FER1L6: variants seen among roughly 807,000 people sequenced by gnomAD.
FER1L6 encodes fer-1-like protein 6.
Under a neutral mutation model 219.2 loss-of-function variants are expected in FER1L6, and 177 were observed. The observed-to-expected ratio is 0.81, with a 90% CI of 0.71 to 0.91. The LOEUF is 0.91. Among genes scored for constraint, FER1L6 ranks in the 40% least tolerant of loss-of-function variants. FER1L6 has a pLI of 0.00. For synonymous variants in FER1L6, 768 were observed against 824.3 expected (o/e 0.93, Z 1.17); for missense variants, 2,153 against 2,259.9 (o/e 0.95, Z 0.96).
At chr8:123,919,581 T>C (rs1438114807) in intron 1 of FER1L6, among the ~76,000 whole-genome samples, 3 of 152,204 alleles carry the variant, frequency 2.0e-5, no homozygotes, top group Non-Finnish European at 4.4e-5. Flanking sequence ...CAGTAAGCCA[T>C]GTGCTTGGGC....
rs1447349194 is a variant in FER1L6 at position 124,060,558 on chromosome 8, G to GA, written c.2996_2997insA (p.Trp999Ter). Reference protein sequence around the residue: ...LSKYRVEVLFWGVREMKKVQL... With the variant: ...LSKYRVEVLF Reference sequence around the variant, plus strand: ...TGGTCTTTTCCTCAGGTTCTCTTCTGGGGAGTTCGGGAAATGAAGAAGGTG... The same window carrying GA: ...TGGTCTTTTCCTCAGGTTCTCTTCTGAGGGAGTTCGGGAAATGAAGAAGGTG... Residue 999 changes from tryptophan (W) to a stop codon, truncating the protein, a stop_gained and frameshift_variant, in exon 24 of 41, where the codon TGG becomes TGAG. Transcript: ENST00000522917. LOFTEE classifies it high-confidence loss of function. 7 of 1,613,884 alleles carry GA rather than the reference G, an allele frequency of 4.3e-6. No individual in the cohort carries two copies. In the Admixed American group the frequency reaches 1.2e-4, roughly 27 times the overall value.
Position 124,119,719 on chromosome 8 carries a change from A to G in FER1L6, c.5503A>G (p.Ile1835Val), listed in dbSNP as rs2131058710. 6.2e-7 allele frequency: 1 copy of G among 1,613,504 alleles called. No individual in the cohort carries two copies. The highest frequency in any genetic ancestry group is 8.5e-7 in the Non-Finnish European group (1 of 1,179,510). Residue 1835 changes from isoleucine to valine, a missense_variant, in exon 41 of 41, where the codon ATC (isoleucine) becomes GTC (valine). Physicochemically the swap from Ile to Val is conservative, Grantham distance 29. Transcript: ENST00000522917. ...IIIAFILIIL[I>V]IFLVLFIYTL... The stretch of plus-strand genomic sequence containing the variant: ...CATTGCTTTCATTCTCATCATCCTC[A>G]TCATCTTCCTCGTCCTTTTCATCTA...
chr8:123,981,565 T>G (rs531377013), intron 11 of FER1L6, among the ~76,000 whole-genome samples: 2 of 151,844 alleles, frequency 1.3e-5, no homozygotes, highest in Non-Finnish European at 2.9e-5. Flanking sequence ...GGAAGGGAGG[T>G]GATGCTCAAA....
At position 123,853,084 on chromosome 8, in the gene FER1L6, T is replaced by C. The variant is rs1178760875; in HGVS notation, c.-8+899T>C. On this transcript the variant is annotated intron_variant, in intron 1 of 40. Coordinates refer to ENST00000522917, the MANE Select transcript of FER1L6 (RefSeq NM_001039112.2). This position sits in a 1 kb window ranked among gnomAD's most constrained non-coding sequence, Gnocchi z 6.6. ...GTCTCAAACTCCTGGGCTCAAGCGA[T>C]CCTCCTGCCTCAGCCTTCCAAAGTG... is the stretch of plus-strand genomic sequence containing the variant. 6.6e-6 allele frequency among the ~76,000 whole-genome samples: 1 copy of C among 152,190 alleles called. No individual in the cohort carries two copies. Among genetic ancestry groups the C allele is most frequent in the African/African-American group, 2.4e-5 (1 of 41,440 alleles).
At position 124,067,716 on chromosome 8, in the gene FER1L6, A is replaced by G. The variant is rs548957089; in HGVS notation, c.3679-51A>G. ...GGGCTGAGATAATTGTTAGCAGTCA[A>G]TTAATAAATCAAGTATTGTGGTGTC... is the stretch of plus-strand genomic sequence containing the variant. On this transcript the variant is annotated intron_variant, in intron 27 of 40. Coordinates refer to ENST00000522917, the MANE Select transcript of FER1L6 (RefSeq NM_001039112.2). The G allele has an allele frequency of 3.1e-4, 456 of 1,473,268 alleles. 7 individuals are homozygous for G. The South Asian group carries it at 4.8e-3, about 16-fold the overall frequency. 91.3% of individuals were successfully genotyped at this position (1,473,268 alleles called of 1,614,324 possible). A position where few individuals can be genotyped will look rare whatever the true frequency, so the allele number is the denominator to read the frequency against.
intron 6 of FER1L6, among the ~76,000 whole-genome samples, chr8:123,971,809 A>C (rs1177886324): frequency 6.6e-6 from 1 of 152,186 alleles, no homozygotes; most frequent in African/African-American, 2.4e-5. Flanking sequence ...GTGGTGCCAA[A>C]GACAGTCTTC....
In FER1L6 at chr8:124,056,651, G is replaced by C. The variant is rs188592273; in HGVS notation, c.2875-3529G>C. On this transcript the variant is annotated intron_variant, in intron 22 of 40. Transcript: ENST00000522917. Reference sequence around the variant, plus strand: ...TTTTAAAGGTAAAGTGTCATTAACTGATTATTGACCTGCTAATGAAGACTT... The same window carrying C: ...TTTTAAAGGTAAAGTGTCATTAACTCATTATTGACCTGCTAATGAAGACTT... Among the ~76,000 whole-genome samples, 483 of 152,288 alleles carry C rather than the reference G, an allele frequency of 3.2e-3. 2 individuals carry two copies. Among genetic ancestry groups the C allele is most frequent in the Non-Finnish European group, 5.7e-3 (388 of 68,018 alleles).
chr8:124,051,795 C>T (rs949727211), intron 22 of FER1L6, among the ~76,000 whole-genome samples: 4 of 152,138 alleles, frequency 2.6e-5, no homozygotes, highest in Non-Finnish European at 2.9e-5. Context: ...GGTCTACAGC[C>T]TTGGGGTTGC....
At chr8:124,108,856 C>A (rs1375132619) in intron 39 of FER1L6, among the ~76,000 whole-genome samples, 1 of 151,356 alleles carries the variant, frequency 6.6e-6, no homozygotes, top group African/African-American at 2.4e-5. Flanking sequence ...CCAGCCTGGG[C>A]AACATAGGGA....
rs115932203 is a variant in FER1L6 at position 124,047,107 on chromosome 8, T to C, written c.2724+1206T>C. On this transcript the variant is annotated intron_variant, in intron 21 of 40. Transcript: ENST00000522917. ...CATGCTTTCAATTGTTAGTGTTTAT[T>C]TTCTATGCAGAAAACAATAATAGCA... is the stretch of plus-strand genomic sequence containing the variant. Among the ~76,000 whole-genome samples, 794 of 152,356 alleles carry C rather than the reference T, an allele frequency of 5.2e-3. 5 individuals carry two copies. The highest frequency in any genetic ancestry group is 0.018 in the African/African-American group (734 of 41,580).
intron 1 of FER1L6, among the ~76,000 whole-genome samples, chr8:123,906,552 C>A (rs1812956036): frequency 6.6e-6 from 1 of 152,050 alleles, no homozygotes; most frequent in Non-Finnish European, 1.5e-5. Context: ...GTAATCCCAG[C>A]ACTTTGGGAG....
intron 1 of FER1L6, among the ~76,000 whole-genome samples, chr8:123,950,128 T>C (rs567647375): frequency 4.2e-4 from 64 of 152,312 alleles, no homozygotes; most frequent in Non-Finnish European, 7.6e-4. Context: ...CAAGAGGAAG[T>C]CTTAGGCTGC....
At position 124,091,578 on chromosome 8, in the gene FER1L6, A is replaced by G; in HGVS notation, c.4547A>G (p.Asp1516Gly). 6.2e-7 allele frequency: 1 copy of G among 1,613,668 alleles called. No individual in the cohort carries two copies. The highest frequency in any genetic ancestry group is 8.5e-7 in the Non-Finnish European group (1 of 1,179,752). ...FSGKTIFTEE[D>G]TDETVESYEH... ...GGAAAAACTATCTTCACTGAAGAGG[A>G]CACTGGTAACTCCCTGCAAAATATC... The change falls in exon 34 of 41, where the codon GAC (aspartate) becomes GGC (glycine). Residue 1516 changes from aspartate to glycine, a missense_variant. Physicochemically the swap from Asp to Gly is moderately conservative, Grantham distance 94 (BLOSUM62 -1). Transcript: ENST00000522917.
At chr8:124,104,164 T>C (rs1822662537) in intron 39 of FER1L6, among the ~76,000 whole-genome samples, 1 of 152,206 alleles carries the variant, frequency 6.6e-6, no homozygotes, top group Non-Finnish European at 1.5e-5. Flanking sequence ...TTCTATCCAT[T>C]CTTAATTGGA....
At chr8:124,035,742 G>A (rs1416757328) in intron 19 of FER1L6, among the ~76,000 whole-genome samples, 1 of 152,178 alleles carries the variant, frequency 6.6e-6, no homozygotes, top group African/African-American at 2.4e-5. Flanking sequence ...TTGAGTTTGC[G>A]TTTTAAGCAA....
chr8:123,965,146 T>A (rs1815478419), intron 3 of FER1L6, among the ~76,000 whole-genome samples: 1 of 152,244 alleles, frequency 6.6e-6, no homozygotes, highest in South Asian at 2.1e-4. Flanking sequence ...TACTTTCAGT[T>A]GCAGAAATTA....
intron 1 of FER1L6, among the ~76,000 whole-genome samples, chr8:123,877,139 A>C (rs1265092707): frequency 2.0e-5 from 3 of 152,226 alleles, no homozygotes; most frequent in Non-Finnish European, 4.4e-5. Flanking sequence ...ACACCATAGA[A>C]ATGTTTACTC....
At chr8:123,937,006 A>C (rs1814033386) in intron 1 of FER1L6, among the ~76,000 whole-genome samples, 1 of 152,206 alleles carries the variant, frequency 6.6e-6, no homozygotes, top group African/African-American at 2.4e-5. Flanking sequence ...CCTGGGTTCA[A>C]GTGATTCTCC....
intron 12 of FER1L6, among the ~76,000 whole-genome samples, chr8:124,002,128 A>G (rs1172457931): frequency 1.3e-5 from 2 of 152,208 alleles, no homozygotes; most frequent in Admixed American, 1.3e-4. Flanking sequence ...CGAAGCTGTG[A>G]GTGGCTTCAG....
Sources: allele counts gnomAD v4.1 joint callset (sites outside exome capture counted in the v4.1 genomes callset), GRCh38; gene constraint gnomAD v4.1.1; non-coding constraint Gnocchi (gnomAD v3.1); transcripts MANE v1.5; gene names NCBI Gene and HGNC (gene_info 2026-07-23, HGNC 2026-07-21).